TFAP2D: variants seen among roughly 807,000 people sequenced by gnomAD.
The protein encoded by TFAP2D is transcription factor AP-2-delta.
A neutral mutation model predicts 43.6 loss-of-function variants in TFAP2D; 9 were observed. That is an observed-to-expected ratio of 0.21 (90% confidence interval 0.12 to 0.36). TFAP2D has a LOEUF of 0.36. Ranked by LOEUF, TFAP2D falls within the 10% of genes least tolerant of loss-of-function variation. TFAP2D has a pLI of 1.00. For missense variants in TFAP2D, 513 were observed against 561.4 expected, an observed-to-expected ratio of 0.91 and a Z score of 0.87; for synonymous variants, 256 against 224.9, an observed-to-expected ratio of 1.14 and a Z score of -1.24.
chr6:50,725,353 C>A (rs924423577), intron 3 of TFAP2D, among the ~76,000 whole-genome samples: 1 of 152,080 alleles, frequency 6.6e-6, no homozygotes. Flanking sequence ...CCATAGCTAC[C>A]CATCAGAATT....
intron 2 of TFAP2D, among the ~76,000 whole-genome samples, chr6:50,717,358 A>G (rs1768644128): frequency 6.6e-6 from 1 of 152,222 alleles, no homozygotes; most frequent in South Asian, 2.1e-4. Flanking sequence ...GAGGGGAAAA[A>G]GTTTGTTAAG....
At chr6:50,743,481 A>C (rs1769082630) in intron 5 of TFAP2D, among the ~76,000 whole-genome samples, 1 of 152,058 alleles carries the variant, frequency 6.6e-6, no homozygotes. Context: ...TCATGGTGTC[A>C]AGCAATCCTC....
chr6:50,759,647 A>T (rs1278799667), intron 7 of TFAP2D, among the ~76,000 whole-genome samples: 1 of 152,026 alleles, frequency 6.6e-6, no homozygotes, highest in African/African-American at 2.4e-5. Flanking sequence ...CCCTATAAAA[A>T]TCTCCATTCT....
intron 3 of TFAP2D, among the ~76,000 whole-genome samples, chr6:50,725,475 G>A (rs540943579): frequency 1.6e-4 from 25 of 152,278 alleles, no homozygotes; most frequent in African/African-American, 6.0e-4. Flanking sequence ...GATGAACTCT[G>A]GAGAAGTTCT....
intron 7 of TFAP2D, among the ~76,000 whole-genome samples, chr6:50,756,186 T>C (rs1769262585): frequency 6.6e-6 from 1 of 152,006 alleles, no homozygotes; most frequent in Non-Finnish European, 1.5e-5. Flanking sequence ...TTTAAAATTT[T>C]CCGCTGACAG....
intron 7 of TFAP2D, among the ~76,000 whole-genome samples, chr6:50,753,089 G>C (rs1030844180): frequency 6.6e-6 from 1 of 151,764 alleles, no homozygotes; most frequent in Non-Finnish European, 1.5e-5. Flanking sequence ...ATTTTTGTTT[G>C]TGCGCATAAT....
intron 7 of TFAP2D, among the ~76,000 whole-genome samples, chr6:50,771,237 G>A (rs1384021713): frequency 2.0e-5 from 3 of 152,172 alleles, no homozygotes; most frequent in Non-Finnish European, 4.4e-5. Context: ...TTAGGAGTCT[G>A]GAGATGAATA....
intron 5 of TFAP2D, 152 bp downstream of exon 5, chr6:50,729,464 T>C (rs1768853234): frequency 1.6e-6 from 1 of 606,782 alleles, no homozygotes; most frequent in Admixed American, 2.9e-5. Context: ...TTGACAATGA[T>C]GATTAAATTA....
At chr6:50,771,765 G>T (rs1292679182) in intron 7 of TFAP2D, among the ~76,000 whole-genome samples, 1 of 152,174 alleles carries the variant, frequency 6.6e-6, no homozygotes, top group Non-Finnish European at 1.5e-5. Flanking sequence ...AGGATGTGGA[G>T]AAATAGGAAT....
Position 50,749,236 on chromosome 6 carries a change from G to A in TFAP2D, c.1026-1975G>A, listed in dbSNP as rs1769166352. 2.6e-5 allele frequency among the ~76,000 whole-genome samples: 4 copies of A among 151,570 alleles called. No individual in the cohort carries two copies. The South Asian group carries it at 8.3e-4, about 31-fold the overall frequency. On this transcript the variant is annotated intron_variant, in intron 6 of 7. Transcript: ENST00000008391. ...CTCCTGTGTGAATTATTTAGCATGA[G>A]TTAAATTTTTCCACCTCTTTAGCTT...
chr6:50,750,905 A>C (rs1769191381), intron 6 of TFAP2D, among the ~76,000 whole-genome samples: 1 of 152,048 alleles, frequency 6.6e-6, no homozygotes, highest in Admixed American at 6.6e-5. Context: ...TGATCATTTC[A>C]TATGGGGTTC....
chr6:50,716,300 G>C (rs1399603321), intron 2 of TFAP2D, among the ~76,000 whole-genome samples: 1 of 152,138 alleles, frequency 6.6e-6, no homozygotes, highest in African/African-American at 2.4e-5. Flanking sequence ...TCCGCCTGAC[G>C]TGCACTCAAA....
intron 3 of TFAP2D, among the ~76,000 whole-genome samples, chr6:50,723,288 G>T (rs1768758808): frequency 1.3e-5 from 2 of 152,212 alleles, no homozygotes; most frequent in Admixed American, 6.5e-5. Flanking sequence ...CGGCCTCAAG[G>T]CCGGCAGCAG....
At chr6:50,715,040 G>A (rs1768593139) in intron 1 of TFAP2D, 76 bp from the exon 2 acceptor site, 1 of 1,546,450 alleles carries the variant, frequency 6.5e-7, no homozygotes, top group South Asian at 1.2e-5. Context: ...TCCTGGCTCC[G>A]GGAGAGCGGC....
chr6:50,724,741 G>T (rs944318215), intron 3 of TFAP2D, among the ~76,000 whole-genome samples: 2 of 152,118 alleles, frequency 1.3e-5, no homozygotes, highest in African/African-American at 4.8e-5. Flanking sequence ...TTCCCATCCA[G>T]TTGCAGCACA....
At chr6:50,718,132 T>TC (rs1561930500) in intron 2 of TFAP2D, 1 of 150,584 alleles carries the variant, frequency 6.6e-6, no homozygotes, top group African/African-American at 2.5e-5. Context: ...TTTTTTTTTT[T>TC]CATATTGATT....
Position 50,760,893 on chromosome 6 carries a change from G to A in TFAP2D, c.1139+9569G>A, listed in dbSNP as rs944141210. On this transcript the variant is annotated intron_variant, in intron 7 of 7. Transcript: ENST00000008391. ...TACAATTCTTTGCTGTTGTTGTTGA[G>A]GGTCTGTTCCCCAGACTCCCTCTCT... 6.0e-5 allele frequency among the ~76,000 whole-genome samples: 9 copies of A among 151,140 alleles called. No individual in the cohort carries two copies. In the South Asian group the frequency reaches 1.7e-3, roughly 28 times the overall value.
intron 5 of TFAP2D, among the ~76,000 whole-genome samples, chr6:50,743,285 A>G (rs1769078978): frequency 6.6e-6 from 1 of 152,206 alleles, no homozygotes; most frequent in Admixed American, 6.5e-5. Flanking sequence ...TACCTTTTAT[A>G]TTAAACTAGA....
Position 50,713,864 on chromosome 6 carries a change from C to A in TFAP2D, c.-192C>A. On this transcript the variant is annotated 5_prime_UTR_variant, in exon 1 of 8. Coordinates refer to ENST00000008391, the MANE Select transcript of TFAP2D (RefSeq NM_172238.4). The stretch of plus-strand genomic sequence containing the variant: ...TTTGTGCAGAGGGAAAATTTTGTTC[C>A]TACAGGTTTTTAAGTGGGTACGAGG... 2.6e-6 allele frequency: 2 copies of A among 769,416 alleles called. No individual in the cohort carries two copies. Among genetic ancestry groups the A allele is most frequent in the Non-Finnish European group, 4.1e-6 (2 of 486,818 alleles). The allele number at this position is 769,416 out of a possible 1,614,324, so 47.7% of individuals were successfully genotyped here. A position where few individuals can be genotyped will look rare whatever the true frequency, so the allele number is the denominator to read the frequency against.
Sources: gnomAD v4.1 joint callset for allele counts (sites outside exome capture counted in the v4.1 genomes callset) on GRCh38, gnomAD v4.1.1 for gene constraint, MANE v1.5 for transcripts, NCBI Gene and HGNC (gene_info 2026-07-23, HGNC 2026-07-21) for gene names.